The following TLE3 variants were observed in gnomAD, a reference collection of about 807,000 sequenced individuals.
The protein encoded by TLE3 is TLE family member 3, transcriptional corepressor.
In TLE3, 14 loss-of-function variants were observed where a neutral mutation model predicts 93.0. That is an observed-to-expected ratio of 0.15 (90% CI 0.10 to 0.24). The LOEUF is 0.24. Ranked by LOEUF, TLE3 falls within the 10% of genes least tolerant of loss-of-function variation. TLE3 has a pLI of 1.00. For synonymous variants in TLE3, 451 were observed against 425.0 expected, an observed-to-expected ratio of 1.06 and a Z score of -0.75; for missense variants, 693 against 1,046.6, an observed-to-expected ratio of 0.66 and a Z score of 4.66.
rs772079848 is a variant in TLE3, at chr15:70,074,576, C to T, written c.329G>A (p.Arg110His). The stretch of plus-strand genomic sequence containing the variant: ...CTCCGTCATGGTGACCTGCTTGGCG[C>T]GCTCCACTGCCTGCGCCACCTGCTG... ...HQQQVAQAVE[R>H]AKQVTMTELN... Residue 110 changes from arginine to histidine, a missense_variant, in exon 6 of 20, where the codon CGC becomes CAC. Arg to His is a conservative substitution (Grantham distance 29). Transcript: ENST00000451782. The T allele has an allele frequency of 5.0e-6, 8 of 1,612,292 alleles. No homozygotes were observed. The highest frequency in any genetic ancestry group is 1.3e-5 in the African/African-American group (1 of 75,024).
Position 70,052,371 on chromosome 15 carries a change from C to T in TLE3, c.2125+3G>A, listed in dbSNP as rs78349544. 1 of 1,612,994 alleles carries T rather than the reference C, an allele frequency of 6.2e-7. No homozygotes were observed. The highest frequency in any genetic ancestry group is 8.5e-7 in the Non-Finnish European group (1 of 1,179,676). On this transcript the variant is annotated splice_donor_region_variant and intron_variant, in intron 18 of 19. Coordinates refer to ENST00000451782, the MANE Select transcript of TLE3 (RefSeq NM_001105192.3). Reference sequence around the variant, plus strand: ...ATCAGGCCTGGGCCCATCCAAGGCTCACCGCAGTAGGCGAACTTGAGGGAG... The same window carrying T: ...ATCAGGCCTGGGCCCATCCAAGGCTTACCGCAGTAGGCGAACTTGAGGGAG...
Position 70,050,056 on chromosome 15 carries a change from C to G in TLE3, c.*41G>C. The G allele has an allele frequency of 1.3e-6, 2 of 1,561,788 alleles. No homozygotes were observed. Among genetic ancestry groups the G allele is most frequent in the Non-Finnish European group, 1.8e-6 (2 of 1,133,134 alleles). On this transcript the variant is annotated 3_prime_UTR_variant, in exon 20 of 20. Coordinates refer to ENST00000451782, the MANE Select transcript of TLE3 (RefSeq NM_001105192.3). ...GGGGGTCTCCCTGTCAGAGCCGAGT[C>G]GGTTTCTCCCAGAGTTTGACAGCCC...
chr15:70,057,577 C>T lies in TLE3; in HGVS notation c.1133G>A (p.Gly378Asp). 3 of 1,599,904 alleles carry T rather than the reference C, an allele frequency of 1.9e-6. No homozygotes were observed. The highest frequency in any genetic ancestry group is 1.7e-6 in the Non-Finnish European group (2 of 1,174,094). The change falls in exon 13 of 20, where the codon GGC becomes GAC. Residue 378 changes from glycine (G) to aspartate (D), a missense_variant. Physicochemically the swap from Gly to Asp is moderately conservative, Grantham distance 94. This residue lies in a region of TLE3 where 405 missense variants were observed against 468.9 expected (regional missense o/e 0.86). Coordinates refer to ENST00000451782, the MANE Select transcript of TLE3 (RefSeq NM_001105192.3). ...GTAGGCGCCAGGACTGGTGAGGGAG[C>T]CGTTCATCTCATGGTGGCTCATCAT... ...FAMMSHHEMN[G>D]SLTSPGAYAG...
At position 70,057,543 on chromosome 15, in the gene TLE3, G is replaced by A. The variant is rs1197107932; in HGVS notation, c.1167C>T (p.Leu389=). ...CGCTCATCTGGGGTGGGATGTTGTG[G>A]AGGCCGGCGTAGGCGCCAGGACTGG... is the stretch of plus-strand genomic sequence containing the variant. ...SLTSPGAYAG[L]HNIPPQMSAA... The change falls in exon 13 of 20, where the codon CTC becomes CTT. Residue 389 remains leucine (L), a synonymous_variant. Transcript: ENST00000451782. 1.9e-6 allele frequency: 3 copies of A among 1,605,600 alleles called. No individual in the cohort carries two copies. Among genetic ancestry groups the A allele is most frequent in the Admixed American group, 1.7e-5 (1 of 58,612 alleles).
intron 4 of TLE3, among the ~76,000 whole-genome samples, chr15:70,093,561 C>T (rs1010804148): frequency 3.9e-5 from 6 of 152,336 alleles, no homozygotes; most frequent in African/African-American, 1.4e-4. Flanking sequence ...AAAGAACAAC[C>T]GGCCTGCCTG....
intron 4 of TLE3, among the ~76,000 whole-genome samples, chr15:70,093,484 A>G (rs940184757): frequency 3.9e-5 from 6 of 152,248 alleles, no homozygotes; most frequent in African/African-American, 1.4e-4. Context: ...AATCCATTCA[A>G]GTCACGGTCA....
chr15:70,095,527 C>G (rs1360131741), intron 3 of TLE3, 51 bp downstream of exon 3: 6 of 1,546,742 alleles, frequency 3.9e-6, no homozygotes, highest in East Asian at 2.5e-5. Flanking sequence ...GCCGCGCCCC[C>G]GGCCGGGGTC....
chr15:70,066,993 C>A, intron 6 of TLE3: 2 of 251,020 alleles, frequency 8.0e-6, no homozygotes, highest in Admixed American at 4.6e-5. Context: ...ATAATGTTTG[C>A]AGCAGCTCAT....
At chr15:70,053,119 G>A in intron 17 of TLE3, 108 bp downstream of exon 17, 1 of 1,407,206 alleles carries the variant, frequency 7.1e-7, no homozygotes, top group Non-Finnish European at 9.5e-7. Flanking sequence ...CAAGTCTCTT[G>A]GCCGTGGCCA....
intron 4 of TLE3, among the ~76,000 whole-genome samples, chr15:70,077,470 C>T (rs1567031610): frequency 6.6e-6 from 1 of 152,342 alleles, no homozygotes; most frequent in East Asian, 1.9e-4. Flanking sequence ...TCCTTGTGCA[C>T]TTAAAATAAA....
At chr15:70,073,085 A>C (rs755286186) in intron 6 of TLE3, among the ~76,000 whole-genome samples, 7 of 152,194 alleles carry the variant, frequency 4.6e-5, no homozygotes, top group Non-Finnish European at 7.3e-5. Flanking sequence ...CCAGAAGGAC[A>C]AACCCACTGT....
chr15:70,060,286 G>A (rs2056380795), intron 9 of TLE3, among the ~76,000 whole-genome samples: 1 of 152,150 alleles, frequency 6.6e-6, no homozygotes, highest in Non-Finnish European at 1.5e-5. Flanking sequence ...GAGACCCCAT[G>A]GAGGCTAGGA....
chr15:70,054,809 G>T, intron 15 of TLE3, 124 bp from the exon 16 acceptor site: 1 of 1,342,154 alleles, frequency 7.5e-7, no homozygotes, highest in Non-Finnish European at 9.9e-7. Context: ...ATACCCAGCA[G>T]CTGCCAGGCT....
chr15:70,064,954 G>A (rs1595905490), intron 7 of TLE3, among the ~76,000 whole-genome samples: 1 of 147,878 alleles, frequency 6.8e-6, no homozygotes. Context: ...TTTTGTTTTT[G>A]AAATTAACAC....
chr15:70,070,907 G>A (rs1462729158), intron 6 of TLE3, among the ~76,000 whole-genome samples: 1 of 151,898 alleles, frequency 6.6e-6, no homozygotes, highest in Non-Finnish European at 1.5e-5. Flanking sequence ...AAGCTACAAC[G>A]TCCCTCTTCC....
intron 4 of TLE3, among the ~76,000 whole-genome samples, chr15:70,086,955 A>G (rs1173433906): frequency 6.6e-6 from 1 of 152,258 alleles, no homozygotes; most frequent in Non-Finnish European, 1.5e-5. Flanking sequence ...ACACTTTTAA[A>G]TAAAGGCTCA....
intron 8 of TLE3, among the ~76,000 whole-genome samples, chr15:70,063,140 G>A (rs942779984): frequency 1.3e-5 from 2 of 152,196 alleles, no homozygotes; most frequent in African/African-American, 4.8e-5. Context: ...AAGCTGAGAG[G>A]TTGGTCAAGC....
intron 6 of TLE3, 80 bp from the exon 7 acceptor site, chr15:70,066,298 G>C: frequency 7.9e-7 from 1 of 1,269,704 alleles, no homozygotes; most frequent in Non-Finnish European, 1.1e-6. Flanking sequence ...GAGGGAGGGA[G>C]TGGCTCTTCC....
intron 4 of TLE3, among the ~76,000 whole-genome samples, chr15:70,089,861 G>A (rs2058224931): frequency 1.3e-5 from 2 of 152,208 alleles, no homozygotes. Context: ...AAACAGCCTA[G>A]GTGGGAAGGA....
Sources: allele counts gnomAD v4.1 joint callset (sites outside exome capture counted in the v4.1 genomes callset), GRCh38; gene constraint gnomAD v4.1.1; regional missense constraint gnomAD v4.1.1; transcripts MANE v1.5; gene names NCBI Gene and HGNC (gene_info 2026-07-23, HGNC 2026-07-21).